Variants in NKAIN2 observed in about 807,000 individuals in gnomAD.
NKAIN2 encodes sodium/potassium transporting ATPase interacting 2.
In NKAIN2, 14 loss-of-function variants were observed where a neutral mutation model predicts 32.6. The observed-to-expected ratio is 0.43, with a 90% confidence interval of 0.28 to 0.67. NKAIN2 has a LOEUF of 0.67. Ranked by LOEUF, NKAIN2 falls within the 30% of genes least tolerant of loss-of-function variation. The probability of loss-of-function intolerance (pLI) is 0.17; values close to 1 mark genes in which losing one functional copy is unlikely to be tolerated. For missense variants in NKAIN2, 198 were observed against 258.3 expected (o/e 0.77, Z 1.60); for synonymous variants, 80 against 87.2 (o/e 0.92, Z 0.46).
intron 2 of NKAIN2, among the ~76,000 whole-genome samples, chr6:124,338,961 G>A (rs765199194): frequency 1.3e-5 from 2 of 152,106 alleles, no homozygotes; most frequent in African/African-American, 2.4e-5. Context: ...GATTTTGGTG[G>A]GTGTACTAGT....
At chr6:124,685,051 A>C (rs117743397) in intron 4 of NKAIN2, among the ~76,000 whole-genome samples, 3,547 of 152,294 alleles carry the variant, frequency 0.023, 65 homozygotes, top group Non-Finnish European at 0.037. Flanking sequence ...GGGGTCTCAC[A>C]GAAATACATT....
intron 1 of NKAIN2, among the ~76,000 whole-genome samples, chr6:124,071,680 T>G (rs951960926): frequency 6.6e-6 from 1 of 152,084 alleles, no homozygotes; most frequent in East Asian, 1.9e-4. Flanking sequence ...GCACAGACAT[T>G]TATCAAAAGA....
At chr6:124,443,467 G>A (rs555543030) in intron 3 of NKAIN2, among the ~76,000 whole-genome samples, 1 of 152,212 alleles carries the variant, frequency 6.6e-6, no homozygotes, top group African/African-American at 2.4e-5. Flanking sequence ...CTCTAGCAAA[G>A]ATGCCATGTC....
At chr6:124,656,878 C>G (rs964040692) in intron 3 of NKAIN2, among the ~76,000 whole-genome samples, 2 of 152,112 alleles carry the variant, frequency 1.3e-5, no homozygotes, top group Non-Finnish European at 2.9e-5. Context: ...TCAGGTAGCT[C>G]TAGCCACAGA....
intron 1 of NKAIN2, among the ~76,000 whole-genome samples, chr6:124,236,670 T>G (rs1365918885): frequency 6.6e-6 from 1 of 152,126 alleles, no homozygotes; most frequent in African/African-American, 2.4e-5. Flanking sequence ...GATTCCTTGG[T>G]TTTGTCTAAG....
At chr6:124,739,391 C>CTG (rs146249002) in intron 4 of NKAIN2, among the ~76,000 whole-genome samples, 26 of 151,436 alleles carry the variant, frequency 1.7e-4, no homozygotes, top group Middle Eastern at 3.4e-3. Context: ...CTGTCTTATT[C>CTG]TGTGTGTGTG....
At chr6:124,651,876 C>T (rs566567063) in intron 3 of NKAIN2, among the ~76,000 whole-genome samples, 2 of 152,288 alleles carry the variant, frequency 1.3e-5, no homozygotes, top group African/African-American at 4.8e-5. Flanking sequence ...CCATACTGAT[C>T]TCCTTATCAA....
chr6:124,621,090 G>C (rs1043453918), intron 3 of NKAIN2, among the ~76,000 whole-genome samples: 7 of 152,294 alleles, frequency 4.6e-5, no homozygotes, highest in African/African-American at 1.7e-4. Flanking sequence ...AGCGAGGCCT[G>C]AGTCTCATTC....
intron 1 of NKAIN2, among the ~76,000 whole-genome samples, chr6:124,281,588 G>A (rs1392556134): frequency 6.6e-6 from 1 of 152,048 alleles, no homozygotes; most frequent in African/African-American, 2.4e-5. Context: ...AGGTTCTTTT[G>A]TTTTTTTAAT....
rs17086568 is a variant in NKAIN2 at position 124,073,564 on chromosome 6, G to T, written c.55-209441G>T. The stretch of plus-strand genomic sequence containing the variant: ...CCCTCCCCAGCTGAGAGCCATGATT[G>T]AGACTCTGTTAGGCTTTAACCTTTC... On this transcript the variant is annotated intron_variant, in intron 1 of 6. Coordinates refer to ENST00000368417, the MANE Select transcript of NKAIN2 (RefSeq NM_001040214.3). 7.6e-3 allele frequency among the ~76,000 whole-genome samples: 1,153 copies of T among 152,264 alleles called. 11 individuals carry two copies. The highest frequency in any genetic ancestry group is 0.051 in the Middle Eastern group (15 of 294).
At chr6:124,175,592 C>A (rs1789115008) in intron 1 of NKAIN2, among the ~76,000 whole-genome samples, 1 of 152,118 alleles carries the variant, frequency 6.6e-6, no homozygotes, top group Non-Finnish European at 1.5e-5. Context: ...TCAATGACTA[C>A]CCACTTAGTA....
intron 3 of NKAIN2, among the ~76,000 whole-genome samples, chr6:124,634,025 T>C (rs1017619233): frequency 6.6e-6 from 1 of 151,354 alleles, no homozygotes; most frequent in African/African-American, 2.4e-5. Context: ...AAGGAGATTA[T>C]ACTACTGTGC....
chr6:124,668,083 G>A (rs138967446), intron 4 of NKAIN2, among the ~76,000 whole-genome samples: 5 of 152,112 alleles, frequency 3.3e-5, no homozygotes, highest in African/African-American at 1.2e-4. Context: ...CCCGACTGCC[G>A]TTCATTTTGT....
At chr6:124,464,594 A>G (rs1235247507) in intron 3 of NKAIN2, among the ~76,000 whole-genome samples, 2 of 152,034 alleles carry the variant, frequency 1.3e-5, no homozygotes, top group African/African-American at 4.8e-5. Flanking sequence ...TAATTACCTA[A>G]TGAGAAGAGT....
intron 2 of NKAIN2, among the ~76,000 whole-genome samples, chr6:124,288,429 G>C (rs1448608889): frequency 6.6e-6 from 1 of 152,180 alleles, no homozygotes; most frequent in Non-Finnish European, 1.5e-5. Flanking sequence ...GTTGTGGTCT[G>C]CCTCTCCCAT....
intron 3 of NKAIN2, among the ~76,000 whole-genome samples, chr6:124,439,821 A>G (rs1449625163): frequency 6.6e-6 from 1 of 151,968 alleles, no homozygotes; most frequent in Non-Finnish European, 1.5e-5. Context: ...AGAAAATATG[A>G]TATTTCTTCT....
chr6:124,182,712 C>T (rs536374839), intron 1 of NKAIN2, among the ~76,000 whole-genome samples: 3 of 152,242 alleles, frequency 2.0e-5, no homozygotes. Flanking sequence ...GAAACTAATA[C>T]ACCTGATTGA....
At chr6:123,976,384 T>TTCCC (rs1311230948) in intron 1 of NKAIN2, among the ~76,000 whole-genome samples, 34 of 47,270 alleles carry the variant, frequency 7.2e-4, no homozygotes, top group African/African-American at 2.7e-3. Context: ...TATATATATA[T>TTCCC]ATATATATAT....
chr6:123,856,826 C>T (rs1048449569), intron 1 of NKAIN2, among the ~76,000 whole-genome samples: 1 of 152,126 alleles, frequency 6.6e-6, no homozygotes, highest in Non-Finnish European at 1.5e-5. Context: ...TTGAGAATTG[C>T]TTGTGTCTTT....
Sources: gnomAD v4.1 joint callset for allele counts (sites outside exome capture counted in the v4.1 genomes callset) on GRCh38, gnomAD v4.1.1 for gene constraint, MANE v1.5 for transcripts, NCBI Gene and HGNC (gene_info 2026-07-23, HGNC 2026-07-21) for gene names.